MAEA: variants seen among roughly 807,000 people sequenced by gnomAD.
MAEA encodes E3 ubiquitin-protein transferase MAEA.
In MAEA, 22 loss-of-function variants were observed where a neutral mutation model predicts 46.2. The observed-to-expected ratio is 0.48, with a 90% CI of 0.34 to 0.68. MAEA has a LOEUF of 0.68. MAEA is among the 30% of genes least tolerant of loss of function. The probability of loss-of-function intolerance (pLI) is 0.01; values close to 1 mark genes in which losing one functional copy is unlikely to be tolerated. For missense variants in MAEA, 393 were observed against 558.1 expected (o/e 0.70, Z 2.98); for synonymous variants, 246 against 222.6 (o/e 1.11, Z -0.94).
chr4:1,313,796 A>T (rs1343431480), intron 2 of MAEA, among the ~76,000 whole-genome samples: 1 of 151,938 alleles, frequency 6.6e-6, no homozygotes, highest in Non-Finnish European at 1.5e-5. Flanking sequence ...ACTGTGGCTC[A>T]CTTTGGAAGG....
At chr4:1,323,636 G>C (rs1322357923) in intron 4 of MAEA, 1 of 702,326 alleles carries the variant, frequency 1.4e-6, no homozygotes. Context: ...CCACTACACA[G>C]TGCCAGCCCC....
intron 5 of MAEA, chr4:1,329,955 A>C: frequency 1.0e-6 from 1 of 985,262 alleles, no homozygotes; most frequent in South Asian, 4.7e-5. Flanking sequence ...CACCATCTAC[A>C]GGGCTTGAGG....
At chr4:1,293,775 A>G (rs1734349484) in intron 1 of MAEA, among the ~76,000 whole-genome samples, 1 of 152,260 alleles carries the variant, frequency 6.6e-6, no homozygotes, top group Admixed American at 6.5e-5. Flanking sequence ...AATTCTCTAC[A>G]GGAAGATTTG....
At chr4:1,306,229 G>A (rs144993241) in intron 1 of MAEA, among the ~76,000 whole-genome samples, 77 of 152,326 alleles carry the variant, frequency 5.1e-4, no homozygotes, top group African/African-American at 1.6e-3. Flanking sequence ...TCACCATCGC[G>A]CTTTCCGCTG....
chr4:1,328,961 CCT>C lies in MAEA; in HGVS notation c.656+1259_656+1260del, dbSNP rs949336772. On this transcript the variant is annotated intron_variant, in intron 5 of 8. Coordinates refer to ENST00000303400, the MANE Select transcript of MAEA (RefSeq NM_001017405.3). ...ATTGCGGGGACACGGCCAGGGGCCC[CCT>C]GTCAAGAGGAGGGGCTCCCGCTCTG... 5.0e-6 allele frequency: 5 copies of C among 992,714 alleles called. No individual in the cohort carries two copies. In the African/African-American group the frequency reaches 8.7e-5, roughly 17 times the overall value. The allele number at this position is 992,714 out of a possible 1,614,324, so 61.5% of individuals were successfully genotyped here. A position where few individuals can be genotyped will look rare whatever the true frequency, so the allele number is the denominator to read the frequency against.
rs900444525 is a variant in MAEA, at chr4:1,319,677, A to C, written c.457-2704A>C. ...CTTGAGCCCAGGAATTTGAGGCAAC[A>C]GTGAGCCATGATCTCACCACTGTAT... On this transcript the variant is annotated intron_variant, in intron 3 of 8. Coordinates refer to ENST00000303400, the MANE Select transcript of MAEA (RefSeq NM_001017405.3). Among the ~76,000 whole-genome samples, 3 of 19,668 alleles carry C rather than the reference A, an allele frequency of 1.5e-4. No homozygotes were observed. In the African/African-American group the frequency reaches 5.5e-3, roughly 36 times the overall value. 12.9% of individuals were successfully genotyped at this position (19,668 alleles called of 152,430 possible).
In MAEA at chr4:1,308,142, G is replaced by T. The variant is rs146321335; in HGVS notation, c.70-3837G>T. Among the ~76,000 whole-genome samples the T allele has an allele frequency of 3.5e-3, 538 of 152,042 alleles. 3 individuals are homozygous for T. Among genetic ancestry groups the T allele is most frequent in the African/African-American group, 0.012 (486 of 41,532 alleles). ...ACGCCCGCACCGTGGTACAGCCTGTGGCTCCTGGGCTGCAAACCTGTACAG... is the reference window on the plus strand; with the variant it reads ...ACGCCCGCACCGTGGTACAGCCTGTTGCTCCTGGGCTGCAAACCTGTACAG... On this transcript the variant is annotated intron_variant, in intron 1 of 8. Transcript: ENST00000303400.
At chr4:1,303,232 C>CA (rs71168823) in intron 1 of MAEA, among the ~76,000 whole-genome samples, 23,087 of 65,550 alleles carry the variant, frequency 0.35, 4,119 homozygotes, top group Non-Finnish European at 0.49. Context: ...ACTAAAAATA[C>CA]AAAAAAAAAA....
At chr4:1,338,378 G>A (rs1365162771) in intron 7 of MAEA, 44 bp from the exon 8 acceptor site, 1 of 1,541,508 alleles carries the variant, frequency 6.5e-7, no homozygotes, top group Admixed American at 1.7e-5. Flanking sequence ...GCTCACCCCG[G>A]CTGCCCTGAG....
chr4:1,302,412 T>G (rs1347052086), intron 1 of MAEA, among the ~76,000 whole-genome samples: 1 of 152,236 alleles, frequency 6.6e-6, no homozygotes, highest in Non-Finnish European at 1.5e-5. Flanking sequence ...CAGTCATATA[T>G]CTGTTAAGGG....
chr4:1,319,987 A>G (rs1052155002), intron 3 of MAEA, among the ~76,000 whole-genome samples: 1 of 151,340 alleles, frequency 6.6e-6, no homozygotes, highest in African/African-American at 2.4e-5. Context: ...TCAGAAAAGA[A>G]TCATCAAAGC....
chr4:1,318,157 T>A (rs1231564850), intron 3 of MAEA, among the ~76,000 whole-genome samples: 2 of 149,384 alleles, frequency 1.3e-5, no homozygotes, highest in East Asian at 2.1e-4. Context: ...CCACATGTCC[T>A]GGCTGCCTGG....
chr4:1,335,319 G>A (rs1456157859), intron 6 of MAEA: 1 of 985,500 alleles, frequency 1.0e-6, no homozygotes, highest in Non-Finnish European at 1.2e-6. Context: ...TTTTGTCACA[G>A]TGCACAGGTT....
intron 4 of MAEA, among the ~76,000 whole-genome samples, chr4:1,325,642 C>T (rs1332509199): frequency 1.3e-5 from 2 of 152,228 alleles, no homozygotes; most frequent in South Asian, 2.1e-4. Context: ...GCTCTAGACA[C>T]GGCAGCCATC....
At chr4:1,336,828 C>A (rs369046839) in intron 6 of MAEA, 33 bp from the exon 7 acceptor site, 1 of 1,599,418 alleles carries the variant, frequency 6.3e-7, no homozygotes, top group African/African-American at 1.3e-5. Context: ...TCCCTGGGAG[C>A]ATCCCCAGGA....
In MAEA at chr4:1,322,943, C is replaced by CCTT. The variant is rs1560368750; in HGVS notation, c.579+440_579+441insCTT. On this transcript the variant is annotated intron_variant, in intron 4 of 8. Coordinates refer to ENST00000303400, the MANE Select transcript of MAEA (RefSeq NM_001017405.3). Reference sequence around the variant, plus strand: ...CTGTGATATTGTTAATGAATACCCACTTTTTTTTTTTTTTTTTTTTTTTTT... The same window carrying CCTT: ...CTGTGATATTGTTAATGAATACCCACCTTTTTTTTTTTTTTTTTTTTTTTTTTT... Among the ~76,000 whole-genome samples, 103 of 75,268 alleles carry CCTT rather than the reference C, an allele frequency of 1.4e-3. 25 individuals are homozygous for CCTT. Among genetic ancestry groups the CCTT allele is most frequent in the Middle Eastern group, 7.5e-3 (1 of 134 alleles). 49.4% of individuals were successfully genotyped at this position (75,268 alleles called of 152,430 possible). A position where few individuals can be genotyped will look rare whatever the true frequency, so the allele number is the denominator to read the frequency against.
rs544381965 is a variant in MAEA, at chr4:1,326,674, G to A, written c.580-953G>A. On this transcript the variant is annotated intron_variant, in intron 4 of 8. Transcript: ENST00000303400. ...TGCCTTCAGCCAGCAGCCCCAACTC[G>A]GCCTCTCTCCGTCTTCTACACATCC... Among the ~76,000 whole-genome samples the A allele has an allele frequency of 2.7e-4, 34 of 126,730 alleles. No homozygotes were observed. The East Asian group carries it at 7.4e-3, about 28-fold the overall frequency. 83.1% of individuals were successfully genotyped at this position (126,730 alleles called of 152,430 possible).
rs756331278 is a variant in MAEA at position 1,339,157 on chromosome 4, G to A, written c.1179G>A (p.Val393=). Reference sequence around the variant, plus strand: ...TCCACTTCTCACAAGCCGAGAAGGTGTACATCATGTAGGCCCCACGTCGTG... The same window carrying A: ...TCCACTTCTCACAAGCCGAGAAGGTATACATCATGTAGGCCCCACGTCGTG... ...EVFHFSQAEK[V]YIM The change falls in exon 9 of 9, where the codon GTG becomes GTA. Residue 393 remains valine, a synonymous_variant. Coordinates refer to ENST00000303400, the MANE Select transcript of MAEA (RefSeq NM_001017405.3). The A allele has an allele frequency of 2.5e-6, 4 of 1,613,746 alleles. No homozygotes were observed. The highest frequency in any genetic ancestry group is 3.4e-6 in the Non-Finnish European group (4 of 1,179,920).
intron 5 of MAEA, among the ~76,000 whole-genome samples, chr4:1,327,910 C>T (rs1739054738): frequency 6.6e-6 from 1 of 152,174 alleles, no homozygotes; most frequent in Non-Finnish European, 1.5e-5. Context: ...CCTGGCAGGG[C>T]CCCCGCCAAG....
Sources: gnomAD v4.1 joint callset for allele counts (sites outside exome capture counted in the v4.1 genomes callset) on GRCh38, gnomAD v4.1.1 for gene constraint, MANE v1.5 for transcripts, NCBI Gene and HGNC (gene_info 2026-07-23, HGNC 2026-07-21) for gene names.